Variants in LRRIQ3 observed in about 807,000 individuals in gnomAD.
LRRIQ3 encodes leucine rich repeats and IQ motif containing 3.
A neutral mutation model predicts 59.3 loss-of-function variants in LRRIQ3; 75 were observed. That is an observed-to-expected ratio of 1.26 (90% CI 1.05 to 1.53). The LOEUF (loss-of-function observed/expected upper bound fraction) is 1.53. Among genes scored for constraint, LRRIQ3 ranks in the 40% most tolerant of loss-of-function variants. The probability of loss-of-function intolerance (pLI) is 0.00; values close to 1 mark genes in which losing one functional copy is unlikely to be tolerated. For missense variants in LRRIQ3, 831 were observed against 710.0 expected, an observed-to-expected ratio of 1.17 and a Z score of -1.94; for synonymous variants, 250 against 231.3, an observed-to-expected ratio of 1.08 and a Z score of -0.73.
intron 5 of LRRIQ3, among the ~76,000 whole-genome samples, chr1:74,097,616 AGTTGAAATGAAGGAAAAAAT>A (rs1371159860): frequency 3.3e-5 from 5 of 152,164 alleles, no homozygotes; most frequent in Non-Finnish European, 7.3e-5. Context: ...GATTCAACAA[AGTTGAAATGAAGGAAAAAAT>A]GTTGAGGGCA....
chr1:74,191,118 A>G (rs193212778), intron 1 of LRRIQ3, among the ~76,000 whole-genome samples: 1 of 152,276 alleles, frequency 6.6e-6, no homozygotes, highest in East Asian at 1.9e-4. Flanking sequence ...AAGCTCTACA[A>G]AATTAATTGA....
At chr1:74,162,594 A>G (rs1242467383) in intron 3 of LRRIQ3, among the ~76,000 whole-genome samples, 1 of 151,806 alleles carries the variant, frequency 6.6e-6, no homozygotes, top group Non-Finnish European at 1.5e-5. Context: ...GAGTTGTTTA[A>G]AAACTAATTC....
intron 6 of LRRIQ3, among the ~76,000 whole-genome samples, chr1:74,067,980 T>C (rs1654915266): frequency 6.6e-6 from 1 of 152,070 alleles, no homozygotes; most frequent in Non-Finnish European, 1.5e-5. Flanking sequence ...CATAGTCAAG[T>C]ACAACCAACA....
chr1:74,147,451 T>C (rs890370290), intron 4 of LRRIQ3, among the ~76,000 whole-genome samples: 4 of 152,170 alleles, frequency 2.6e-5, no homozygotes, highest in Admixed American at 1.3e-4. Context: ...CCCAATTAAT[T>C]TGATGTTTGA....
chr1:74,149,525 G>A (rs137910796), intron 4 of LRRIQ3, among the ~76,000 whole-genome samples: 45 of 152,010 alleles, frequency 3.0e-4, no homozygotes, highest in Admixed American at 6.5e-4. Context: ...AATTCTTTAC[G>A]TTGGTAATTA....
chr1:74,172,630 A>C (rs1225012552), intron 3 of LRRIQ3, among the ~76,000 whole-genome samples: 2 of 152,040 alleles, frequency 1.3e-5, no homozygotes, highest in African/African-American at 4.8e-5. Flanking sequence ...GTTCCCTATC[A>C]ATTTACTTTC....
At chr1:74,124,224 C>T (rs1254143048) in intron 4 of LRRIQ3, among the ~76,000 whole-genome samples, 1 of 151,686 alleles carries the variant, frequency 6.6e-6, no homozygotes, top group African/African-American at 2.4e-5. Context: ...TAGATTTTTT[C>T]CTATAGAGTT....
chr1:74,046,701 T>C (rs1654214479), intron 6 of LRRIQ3, among the ~76,000 whole-genome samples: 1 of 152,214 alleles, frequency 6.6e-6, no homozygotes, highest in South Asian at 2.1e-4. Context: ...TCTGTCCATC[T>C]GATGTAGGCC....
chr1:74,059,046 C>A (rs1163590837), intron 6 of LRRIQ3, among the ~76,000 whole-genome samples: 1 of 151,866 alleles, frequency 6.6e-6, no homozygotes, highest in Non-Finnish European at 1.5e-5. Context: ...ATTTGTATTG[C>A]CCTGGTGGCC....
intron 1 of LRRIQ3, 82 bp from the exon 2 acceptor site, chr1:74,183,766 A>C: frequency 8.1e-7 from 1 of 1,229,386 alleles, no homozygotes; most frequent in Non-Finnish European, 1.1e-6. Flanking sequence ...TTGCCAAGAG[A>C]TAGCGCAAGT....
chr1:74,181,160 T>C (rs1015268154), intron 3 of LRRIQ3: 2 of 209,704 alleles, frequency 9.5e-6, no homozygotes, highest in African/African-American at 4.7e-5. Flanking sequence ...ATTCACTGAA[T>C]ATGTGTCTGT....
At chr1:74,193,585 T>C (rs1231825120) in intron 1 of LRRIQ3, among the ~76,000 whole-genome samples, 1 of 152,136 alleles carries the variant, frequency 6.6e-6, no homozygotes, top group Non-Finnish European at 1.5e-5. Context: ...CTTTTCCAAA[T>C]GTGATACATA....
chr1:74,092,842 G>C (rs17094868), intron 5 of LRRIQ3, among the ~76,000 whole-genome samples: 5,088 of 152,000 alleles, frequency 0.033, 305 homozygotes, highest in African/African-American at 0.12. Context: ...CTTCAAAGTA[G>C]AAATAAGACT....
At chr1:74,028,495 T>C (rs1653588797) in intron 7 of LRRIQ3, among the ~76,000 whole-genome samples, 2 of 152,052 alleles carry the variant, frequency 1.3e-5, no homozygotes, top group Admixed American at 6.6e-5. Context: ...CAGAAAGAAA[T>C]GTAGGTAGAG....
At chr1:74,188,578 C>T (rs1272105186) in intron 1 of LRRIQ3, among the ~76,000 whole-genome samples, 1 of 152,094 alleles carries the variant, frequency 6.6e-6, no homozygotes, top group African/African-American at 2.4e-5. Flanking sequence ...CCACACATCC[C>T]CAATTTAGTG....
intron 7 of LRRIQ3, among the ~76,000 whole-genome samples, chr1:74,030,043 C>T (rs1653650539): frequency 1.3e-5 from 2 of 151,966 alleles, no homozygotes; most frequent in Admixed American, 1.3e-4. Flanking sequence ...GAATAAAATA[C>T]CTAGGGATCC....
At chr1:74,054,553 T>A (rs1654465022) in intron 6 of LRRIQ3, among the ~76,000 whole-genome samples, 1 of 151,932 alleles carries the variant, frequency 6.6e-6, no homozygotes, top group Non-Finnish European at 1.5e-5. Context: ...AATGTGTTAG[T>A]TTAAGTTCAT....
rs560721156 is a variant in LRRIQ3, at chr1:74,182,685, A to G, written c.426T>C (p.His142=). 1 of 1,612,658 alleles carries G rather than the reference A, an allele frequency of 6.2e-7. No individual in the cohort carries two copies. The highest frequency in any genetic ancestry group is 1.3e-5 in the African/African-American group (1 of 74,984). Residue 142 remains histidine, a synonymous_variant, in exon 3 of 8, where the codon CAT becomes CAC. Transcript: ENST00000354431. ...GAGGCCATATACTGTTAACAAGAAC[A>G]TGTCTATATCCTTTTTTAAGGCTTA... The part of the protein sequence containing the change: ...CPVSLKKGYR[H]VLVNSIWPLK...
At chr1:74,049,564 T>C (rs1654301007) in intron 6 of LRRIQ3, among the ~76,000 whole-genome samples, 1 of 152,248 alleles carries the variant, frequency 6.6e-6, no homozygotes, top group South Asian at 2.1e-4. Context: ...AAATCAAAGA[T>C]GAATGGTAGC....
Sources: allele counts gnomAD v4.1 joint callset (sites outside exome capture counted in the v4.1 genomes callset), GRCh38; gene constraint gnomAD v4.1.1; transcripts MANE v1.5; gene names NCBI Gene and HGNC (gene_info 2026-07-23, HGNC 2026-07-21).